The following MUC12 variants were observed in gnomAD, a reference collection of about 807,000 sequenced individuals.
MUC12 encodes mucin-12.
A neutral mutation model predicts 230.8 loss-of-function variants in MUC12; 172 were observed. The observed-to-expected ratio is 0.75, with a 90% confidence interval of 0.66 to 0.85. The LOEUF is 0.85. MUC12 is among the 40% of genes least tolerant of loss of function. The probability of loss-of-function intolerance (pLI) is 0.00; values close to 1 mark genes in which losing one functional copy is unlikely to be tolerated. For synonymous variants in MUC12, 1,259 were observed against 2,401.9 expected, an observed-to-expected ratio of 0.52 and a Z score of 13.91; for missense variants, 3,506 against 5,920.6, an observed-to-expected ratio of 0.59 and a Z score of 13.38.
chr7:101,014,283 C>T lies in MUC12; in HGVS notation c.15800+209C>T, dbSNP rs1021800962. The T allele has an allele frequency of 2.1e-5, 10 of 479,846 alleles. No individual in the cohort carries two copies. In the Admixed American group the frequency reaches 3.5e-4, roughly 17 times the overall value. 29.7% of individuals were successfully genotyped at this position (479,846 alleles called of 1,614,324 possible). On this transcript the variant is annotated intron_variant, in intron 9 of 11. Coordinates refer to ENST00000536621, the MANE Select transcript of MUC12 (RefSeq NM_001164462.2). ...TACATCAATTTGGCAGTGTTTTAGT[C>T]CATTTTGTGCTATTATAACAGAATA...
chr7:100,985,698 G>A (rs973354205), intron 1 of MUC12, among the ~76,000 whole-genome samples: 1 of 152,140 alleles, frequency 6.6e-6, no homozygotes, highest in East Asian at 1.9e-4. Flanking sequence ...TTTCCTGTGG[G>A]TGCAGAAAGG....
In MUC12 at chr7:100,969,567, T is replaced by C; in HGVS notation, c.-56T>C. On this transcript the variant is annotated 5_prime_UTR_variant, in exon 1 of 12. Coordinates refer to ENST00000536621, the MANE Select transcript of MUC12 (RefSeq NM_001164462.2). ...TGATCCCTTCCTGGGAGGCCTTCAT[T>C]TCTTGGTCCCTCCTGATGAGAGAAG... is the stretch of plus-strand genomic sequence containing the variant. The C allele has an allele frequency of 6.5e-7, 1 of 1,537,222 alleles. No individual in the cohort carries two copies. The highest frequency in any genetic ancestry group is 8.7e-7 in the Non-Finnish European group (1 of 1,146,848).
At chr7:101,014,319 G>C (rs1793883533) in intron 9 of MUC12, 1 of 388,670 alleles carries the variant, frequency 2.6e-6, no homozygotes, top group Non-Finnish European at 4.6e-6. Context: ...CCACCACTGG[G>C]TAATTGATAA....
rs1236531218 is a variant in MUC12, at chr7:100,995,894, C to T, written c.5331C>T (p.Gly1777=). 11 of 1,403,420 alleles carry T rather than the reference C, an allele frequency of 7.8e-6. No homozygotes were observed. Among genetic ancestry groups the T allele is most frequent in the African/African-American group, 1.6e-5 (1 of 60,648 alleles). 86.9% of individuals were successfully genotyped at this position (1,403,420 alleles called of 1,614,324 possible). The change falls in exon 2 of 12, where the codon GGC becomes GGT. Residue 1777 remains glycine, a synonymous_variant. Coordinates refer to ENST00000536621, the MANE Select transcript of MUC12 (RefSeq NM_001164462.2). ...CTACGGCGTACCACAGCAGCCCGGG[C>T]TCAACTCAAACAATGCACTTCCCTG... The part of the protein sequence containing the change: ...EESTAYHSSP[G]STQTMHFPES...
In MUC12 at chr7:100,991,902, A is replaced by G. The variant is rs558617898; in HGVS notation, c.1339A>G (p.Met447Val). 1.3e-6 allele frequency: 2 copies of G among 1,537,592 alleles called. No individual in the cohort carries two copies. Among genetic ancestry groups the G allele is most frequent in the African/African-American group, 2.7e-5 (2 of 72,956 alleles). ...SKASHSSPDA[M>V]ATTVLPAGST... ...AGCATCCCACAGCAGCCCAGATGCAATGGCAACAACAGTCTTACCTGCCGG... is the reference window on the plus strand; with the variant it reads ...AGCATCCCACAGCAGCCCAGATGCAGTGGCAACAACAGTCTTACCTGCCGG... Residue 447 changes from methionine (M) to valine (V), a missense_variant, in exon 2 of 12, where the codon ATG (methionine) becomes GTG (valine). Physicochemically the swap from Met to Val is conservative, Grantham distance 21 (BLOSUM62 1). Transcript: ENST00000536621.
rs568688751 is a variant in MUC12, at chr7:100,992,087, A to C, written c.1524A>C (p.Leu508Phe). 5.5e-5 allele frequency: 84 copies of C among 1,537,166 alleles called. 1 individual carries two copies. The South Asian group carries it at 9.8e-4, about 18-fold the overall frequency. Residue 508 changes from leucine to phenylalanine, a missense_variant, in exon 2 of 12, where the codon TTA becomes TTC. Transcript: ENST00000536621. Reference protein sequence around the residue: ...SSPRSPDTTHLPASMTSSGVS... With the variant: ...SSPRSPDTTHFPASMTSSGVS... ...CCAGATCACCAGACACAACACACTTACCTGCCAGCATGACAAGCTCAGGCG... is the reference window on the plus strand; with the variant it reads ...CCAGATCACCAGACACAACACACTTCCCTGCCAGCATGACAAGCTCAGGCG...
intron 9 of MUC12, among the ~76,000 whole-genome samples, chr7:101,014,838 G>A (rs1217442506): frequency 1.3e-5 from 2 of 151,550 alleles, no homozygotes; most frequent in Non-Finnish European, 2.9e-5. Context: ...TGTAGAAATA[G>A]GGTCTCACTA....
At position 101,005,008 on chromosome 7, in the gene MUC12, T is replaced by G; in HGVS notation, c.14445T>G (p.Thr4815=). 7.2e-6 allele frequency: 11 copies of G among 1,537,372 alleles called. No individual in the cohort carries two copies. Among genetic ancestry groups the G allele is most frequent in the Non-Finnish European group, 9.6e-6 (11 of 1,146,948 alleles). Residue 4815 remains threonine, a synonymous_variant, in exon 2 of 12, where the codon ACT becomes ACG. Coordinates refer to ENST00000536621, the MANE Select transcript of MUC12 (RefSeq NM_001164462.2). The stretch of plus-strand genomic sequence containing the variant: ...CACTGTCCCCTGGCAGCATCACAAC[T>G]TCATCTTTTGCTCAAGAATTTACCA... ...ETTLSPGSIT[T]SSFAQEFTTP...
At chr7:101,016,734 T>G in intron 10 of MUC12, 1 of 150,626 alleles carries the variant, frequency 6.6e-6, no homozygotes, top group Admixed American at 6.6e-5. Context: ...CTGGTGGAGA[T>G]GAGGCTGAGT....
rs758757725 is a variant in MUC12, at chr7:101,012,833, T to C, written c.15418T>C (p.Tyr5140His). The change falls in exon 7 of 12, where the codon TAT becomes CAT. Residue 5140 changes from tyrosine to histidine, a missense_variant. Coordinates refer to ENST00000536621, the MANE Select transcript of MUC12 (RefSeq NM_001164462.2). ...ACTCTCGGCAGAGGCCATACTGTGC[T>C]ATAGTGAAGAGGACACTTTCGTGGA... ...PDSCRKAILC[Y>H]SEEDTFVDSS... 8 of 1,537,294 alleles carry C rather than the reference T, an allele frequency of 5.2e-6. No homozygotes were observed. In the South Asian group the frequency reaches 8.3e-5, roughly 16 times the overall value.
rs1468939130 is a variant in MUC12, at chr7:101,012,346, C to G, written c.15302C>G (p.Thr5101Ser). The change falls in exon 6 of 12, where the codon ACT (threonine) becomes AGT (serine). Residue 5101 changes from threonine to serine, a missense_variant. Thr to Ser is a moderately conservative substitution (Grantham distance 58). Transcript: ENST00000536621. ...GATGTCATCCTGGAGGCAGACTACA[C>G]TTTAGAGTATGAGGAACTGTTTGAA... ...KNDVILEADYTLEYEELFENL... is the reference protein window; with the variant it reads ...KNDVILEADYSLEYEELFENL... The G allele has an allele frequency of 6.5e-7, 1 of 1,537,416 alleles. No individual in the cohort carries two copies. Among genetic ancestry groups the G allele is most frequent in the Non-Finnish European group, 8.7e-7 (1 of 1,146,948 alleles).
In MUC12 at chr7:101,012,288, A is replaced by C. The variant is rs1443838965; in HGVS notation, c.15252-8A>C. 1 of 1,536,648 alleles carries C rather than the reference A, an allele frequency of 6.5e-7. No individual in the cohort carries two copies. The highest frequency in any genetic ancestry group is 8.7e-7 in the Non-Finnish European group (1 of 1,146,700). Reference sequence around the variant, plus strand: ...ATGGGTAACTGATGAAACGATTCCCACTTCCAGCAACGGTAGCATCGTGGT... The same window carrying C: ...ATGGGTAACTGATGAAACGATTCCCCCTTCCAGCAACGGTAGCATCGTGGT... On this transcript the variant is annotated splice_region_variant and splice_polypyrimidine_tract_variant and intron_variant, in intron 5 of 11. Transcript: ENST00000536621.
intron 10 of MUC12, among the ~76,000 whole-genome samples, chr7:101,016,399 C>G (rs1332263236): frequency 6.6e-6 from 1 of 152,062 alleles, no homozygotes; most frequent in Non-Finnish European, 1.5e-5. Context: ...TTCTGTCTCC[C>G]AGGTTCAAGC....
At chr7:100,972,010 A>G in intron 1 of MUC12, 2 of 700,524 alleles carry the variant, frequency 2.9e-6, no homozygotes, top group South Asian at 1.5e-5. Flanking sequence ...ACATCTATCT[A>G]TGGCCAGTGC....
intron 5 of MUC12, among the ~76,000 whole-genome samples, chr7:101,012,017 G>A (rs1033679522): frequency 1.3e-5 from 2 of 152,148 alleles, no homozygotes; most frequent in Non-Finnish European, 2.9e-5. Context: ...AGGACACAGG[G>A]ATTCAAATTT....
In MUC12 at chr7:100,995,262, A is replaced by C; in HGVS notation, c.4699A>C (p.Thr1567Pro). ...SPDTTLSPAS[T>P]TSSGVSEEST... ...GGACACAACACTCTCACCTGCCAGC[A>C]CGACAAGCTCAGGCGTCAGTGAAGA... Residue 1567 changes from threonine (T) to proline (P), a missense_variant, in exon 2 of 12, where the codon ACG becomes CCG. Transcript: ENST00000536621. The C allele has an allele frequency of 6.7e-7, 1 of 1,497,134 alleles. No individual in the cohort carries two copies. The highest frequency in any genetic ancestry group is 8.9e-7 in the Non-Finnish European group (1 of 1,128,042). The allele number at this position is 1,497,134 out of a possible 1,614,324, so 92.7% of individuals were successfully genotyped here. A position where few individuals can be genotyped will look rare whatever the true frequency, so the allele number is the denominator to read the frequency against.
Position 101,004,504 on chromosome 7 carries a change from C to A in MUC12, c.13941C>A (p.Thr4647=). ...ACACAATATCTTCACCTCCTAGCAC[C>A]ACATCTGCCCTTGTTGAAGAACCTA... The part of the protein sequence containing the change: ...TTHTISSPPS[T]TSALVEEPTS... Residue 4647 remains threonine (T), a synonymous_variant, in exon 2 of 12, where the codon ACC becomes ACA. Coordinates refer to ENST00000536621, the MANE Select transcript of MUC12 (RefSeq NM_001164462.2). 3.9e-6 allele frequency: 6 copies of A among 1,534,010 alleles called. No homozygotes were observed. The highest frequency in any genetic ancestry group is 5.2e-6 in the Non-Finnish European group (6 of 1,145,980).
intron 1 of MUC12, among the ~76,000 whole-genome samples, chr7:100,970,105 G>T (rs1394736879): frequency 0.013 from 1 of 80 alleles, no homozygotes; most frequent in Non-Finnish European, 0.018. Flanking sequence ...GCCCTGGTCG[G>T]GAGAGAGGGA....
At chr7:101,006,630 G>T in intron 3 of MUC12, 58 bp downstream of exon 3, 5 of 1,196,542 alleles carry the variant, frequency 4.2e-6, no homozygotes, top group Non-Finnish European at 6.0e-6. Context: ...CCTGAAAACA[G>T]CATGGCAGTG....
Sources: allele counts gnomAD v4.1 joint callset (sites outside exome capture counted in the v4.1 genomes callset), GRCh38; gene constraint gnomAD v4.1.1; transcripts MANE v1.5; gene names NCBI Gene and HGNC (gene_info 2026-07-23, HGNC 2026-07-21).